Variants in CRIM1 observed in about 807,000 individuals in gnomAD.
The protein encoded by CRIM1 is cysteine rich transmembrane BMP regulator 1.
A neutral mutation model predicts 116.4 loss-of-function variants in CRIM1; 32 were observed. The ratio of observed to expected loss-of-function variants is 0.27; its 90% CI spans 0.21 to 0.37. CRIM1 has a LOEUF of 0.37. Ranked by LOEUF, CRIM1 falls within the 10% of genes least tolerant of loss-of-function variation. The pLI, the probability that CRIM1 is intolerant of heterozygous loss-of-function variation, is 1.00. For missense variants in CRIM1, 1,331 were observed against 1,354.8 expected (o/e 0.98, Z 0.28); for synonymous variants, 590 against 509.2 (o/e 1.16, Z -2.13).
chr2:36,537,282 CT>C, intron 13 of CRIM1, 69 bp from the exon 14 acceptor site: 1 of 1,385,398 alleles, frequency 7.2e-7, no homozygotes, highest in Non-Finnish European at 1.0e-6. Flanking sequence ...ATCCCTTGAT[CT>C]CTCACGTCTA....
At chr2:36,547,302 A>G in intron 16 of CRIM1, 131 bp downstream of exon 16, 2 of 689,408 alleles carry the variant, frequency 2.9e-6, no homozygotes, top group Non-Finnish European at 5.1e-6. Context: ...TCAAATCCAT[A>G]CCAGGCTATA....
chr2:36,499,524 G>C, intron 8 of CRIM1, 177 bp downstream of exon 8: 1 of 585,380 alleles, frequency 1.7e-6, no homozygotes, highest in African/African-American at 1.9e-5. Flanking sequence ...GGAGAAAGGA[G>C]CTGCTGCTTT....
At chr2:36,455,431 T>C (rs1677062026) in intron 4 of CRIM1, among the ~76,000 whole-genome samples, 1 of 152,194 alleles carries the variant, frequency 6.6e-6, no homozygotes, top group Admixed American at 6.5e-5. Flanking sequence ...CCACTGTACA[T>C]AGGCTACAAT....
At chr2:36,411,592 A>G (rs1019039833) in intron 2 of CRIM1, among the ~76,000 whole-genome samples, 14 of 152,214 alleles carry the variant, frequency 9.2e-5, no homozygotes, top group Non-Finnish European at 1.6e-4. Context: ...AAGCACATAT[A>G]CATCCATGAT....
At chr2:36,528,705 AAGATG>A (rs1665920352) in intron 13 of CRIM1, among the ~76,000 whole-genome samples, 1 of 152,234 alleles carries the variant, frequency 6.6e-6, no homozygotes, top group Admixed American at 6.5e-5. Context: ...ATTGAAACAA[AAGATG>A]AGAGGTGTGA....
In CRIM1 at chr2:36,441,359, T is replaced by A; in HGVS notation, c.607T>A (p.Cys203Ser). Reference sequence around the variant, plus strand: ...CGAGGGTTATGCTCCTCCTGGGGAGTGCTGTCCCTTACCCAGCCGCTGCGT... The same window carrying A: ...CGAGGGTTATGCTCCTCCTGGGGAGAGCTGTCCCTTACCCAGCCGCTGCGT... Reference protein sequence around the residue: ...LIEGYAPPGECCPLPSRCVCN... With the variant: ...LIEGYAPPGESCPLPSRCVCN... The change falls in exon 3 of 17, where the codon TGC becomes AGC. Residue 203 changes from cysteine to serine, a missense_variant. By Grantham distance (112) the Cys-to-Ser change is moderately radical. Coordinates refer to ENST00000280527, the MANE Select transcript of CRIM1 (RefSeq NM_016441.3). 6.2e-7 allele frequency: 1 copy of A among 1,614,080 alleles called. No individual in the cohort carries two copies. The highest frequency in any genetic ancestry group is 8.5e-7 in the Non-Finnish European group (1 of 1,180,002).
chr2:36,402,077 G>A (rs1672450328), intron 2 of CRIM1, among the ~76,000 whole-genome samples: 1 of 152,178 alleles, frequency 6.6e-6, no homozygotes, highest in African/African-American at 2.4e-5. Context: ...TGGGGAGCCT[G>A]GGTGTCATGC....
rs748215888 is a variant in CRIM1, at chr2:36,517,422, G to A, written c.2086G>A (p.Asp696Asn). 1 of 1,614,214 alleles carries A rather than the reference G, an allele frequency of 6.2e-7. No individual in the cohort carries two copies. ...YFVEGETWNI[D>N]SCTQCTCHSG... ...TGTGGAAGGAGAAACGTGGAACATT[G>A]ACTCCTGTACTCAGTGCACCTGCCA... The change falls in exon 12 of 17, where the codon GAC (aspartate) becomes AAC (asparagine). Residue 696 changes from aspartate to asparagine, a missense_variant. Physicochemically the swap from Asp to Asn is conservative, Grantham distance 23 (BLOSUM62 1). This residue lies in a region of CRIM1 where 358 missense variants were observed against 436.1 expected (regional missense o/e 0.82). Transcript: ENST00000280527.
chr2:36,398,351 G>T (rs969574875), intron 2 of CRIM1, among the ~76,000 whole-genome samples: 1 of 152,166 alleles, frequency 6.6e-6, no homozygotes, highest in African/African-American at 2.4e-5. Flanking sequence ...TTGAGATGCA[G>T]CAGATTTTGA....
chr2:36,513,264 C>T (rs1167922942), intron 10 of CRIM1: 4 of 337,540 alleles, frequency 1.2e-5, no homozygotes, highest in African/African-American at 8.3e-5. Flanking sequence ...GTTATAAAAT[C>T]AGTGCTTGTT....
intron 8 of CRIM1, among the ~76,000 whole-genome samples, chr2:36,509,124 G>T (rs1327279488): frequency 4.6e-5 from 7 of 152,042 alleles, no homozygotes; most frequent in African/African-American, 7.2e-5. Flanking sequence ...GTACTTTTTT[G>T]AAAGTAATAG....
intron 2 of CRIM1, among the ~76,000 whole-genome samples, chr2:36,440,687 T>C (rs1330204099): frequency 1.3e-5 from 2 of 152,214 alleles, no homozygotes; most frequent in African/African-American, 4.8e-5. Flanking sequence ...TTCAGGAAAT[T>C]ACACGGGAAT....
chr2:36,391,118 A>AT lies in CRIM1; in HGVS notation c.332-5467dup, dbSNP rs57108558. On this transcript the variant is annotated intron_variant, in intron 1 of 16. Transcript: ENST00000280527. ...AGCCATTGCGCCTGGCCAACTTTTGATTTTTTTTTTTTTTTTTTTTTTTTT... is the reference window on the plus strand; with the variant it reads ...AGCCATTGCGCCTGGCCAACTTTTGATTTTTTTTTTTTTTTTTTTTTTTTTT... Among the ~76,000 whole-genome samples, 240 of 67,230 alleles carry AT rather than the reference A, an allele frequency of 3.6e-3. 5 individuals are homozygous for AT. The highest frequency in any genetic ancestry group is 4.3e-3 in the Non-Finnish European group (172 of 39,670). The allele number at this position is 67,230 out of a possible 152,430, so 44.1% of individuals were successfully genotyped here. A position where few individuals can be genotyped will look rare whatever the true frequency, so the allele number is the denominator to read the frequency against.
chr2:36,512,318 A>G lies in CRIM1; in HGVS notation c.1704A>G (p.Pro568=). 6.2e-7 allele frequency: 1 copy of G among 1,614,128 alleles called. No homozygotes were observed. The highest frequency in any genetic ancestry group is 8.5e-7 in the Non-Finnish European group (1 of 1,179,924). Residue 568 remains proline (P), a synonymous_variant, in exon 10 of 17, where the codon CCA becomes CCG. Coordinates refer to ENST00000280527, the MANE Select transcript of CRIM1 (RefSeq NM_016441.3). ...ACATCTGTCGCTGTAAGAAATGTCC[A>G]GAGCTCTCATGCAGTAAGATCTGCC... ...GCDICRCKKC[P]ELSCSKICPL... is the part of the protein sequence containing the mutation.
intron 1 of CRIM1, among the ~76,000 whole-genome samples, chr2:36,365,373 G>C (rs954881501): frequency 6.6e-6 from 1 of 152,192 alleles, no homozygotes; most frequent in African/African-American, 2.4e-5. Flanking sequence ...CATCACTGGA[G>C]ACGTTGGAGA....
chr2:36,474,995 C>G (rs1362502608), intron 5 of CRIM1, among the ~76,000 whole-genome samples: 2 of 152,140 alleles, frequency 1.3e-5, no homozygotes, highest in African/African-American at 4.8e-5. Flanking sequence ...GTCTTGATTA[C>G]TATAGCATTG....
rs3770813 is a variant in CRIM1, at chr2:36,549,412, G to T, written c.*711G>T. 0.046 allele frequency: 7,037 copies of T among 152,306 alleles called. 563 individuals are homozygous for T. Among genetic ancestry groups the T allele is most frequent in the East Asian group, 0.42 (2,183 of 5,148 alleles). 9.4% of individuals were successfully genotyped at this position (152,306 alleles called of 1,614,324 possible). ...TTCTTCCAAGCCAATCAATCAGCCAGTTCCTAGCAGAGTCAGCACATGAAC... is the reference window on the plus strand; with the variant it reads ...TTCTTCCAAGCCAATCAATCAGCCATTTCCTAGCAGAGTCAGCACATGAAC... On this transcript the variant is annotated 3_prime_UTR_variant, in exon 17 of 17. Transcript: ENST00000280527.
chr2:36,462,243 C>T (rs1345033144), intron 4 of CRIM1, among the ~76,000 whole-genome samples: 2 of 152,076 alleles, frequency 1.3e-5, no homozygotes, highest in Admixed American at 6.6e-5. Flanking sequence ...GTTAGGAAGA[C>T]GTAATGCATA....
intron 7 of CRIM1, among the ~76,000 whole-genome samples, chr2:36,496,184 G>A (rs1680580138): frequency 6.6e-6 from 1 of 152,188 alleles, no homozygotes; most frequent in African/African-American, 2.4e-5. Flanking sequence ...GTCTGAGTAG[G>A]AAAATGAGAT....
Sources: gnomAD v4.1 joint callset for allele counts (sites outside exome capture counted in the v4.1 genomes callset) on GRCh38, gnomAD v4.1.1 for gene constraint, gnomAD v4.1.1 regional missense constraint, MANE v1.5 for transcripts, NCBI Gene and HGNC (gene_info 2026-07-23, HGNC 2026-07-21) for gene names.